The following ABTB3 variants were observed in gnomAD, a reference collection of about 807,000 sequenced individuals.
ABTB3 encodes the protein ankyrin repeat and BTB domain containing 3, also known as ankyrin repeat- and BTB/POZ domain-containing protein 3.
At chr12:107,651,871 CAG>C in the ABTB3 span, 1 of 1,154,330 alleles carries the variant, frequency 8.7e-7, no homozygotes, top group Non-Finnish European at 1.3e-6. Context: ...AGAGGCAGGG[CAG>C]AGAGTGGGTG....
the ABTB3 span, among the ~76,000 whole-genome samples, chr12:107,545,341 A>C: frequency 2.7e-3 from 409 of 152,048 alleles, 8 homozygotes; most frequent in East Asian, 0.042. Context: ...CTCCCGGCTC[A>C]AGCGATTCTC....
the ABTB3 span, among the ~76,000 whole-genome samples, chr12:107,363,156 A>T: frequency 6.6e-6 from 1 of 152,226 alleles, no homozygotes; most frequent in African/African-American, 2.4e-5. Context: ...CATGCCCCTC[A>T]CTGCGTTGGG....
the ABTB3 span, among the ~76,000 whole-genome samples, chr12:107,558,482 G>A: frequency 6.6e-6 from 1 of 152,172 alleles, no homozygotes; most frequent in African/African-American, 2.4e-5. Flanking sequence ...AGAGTGTCGG[G>A]GAGAAGATTT....
chr12:107,552,244 TA>T, the ABTB3 span, among the ~76,000 whole-genome samples: 2 of 152,330 alleles, frequency 1.3e-5, no homozygotes, highest in East Asian at 3.8e-4. Flanking sequence ...TTTGCTTCCA[TA>T]GGCAGTGGTT....
chr12:107,366,087 T>G, the ABTB3 span, among the ~76,000 whole-genome samples: 1 of 152,106 alleles, frequency 6.6e-6, no homozygotes, highest in East Asian at 1.9e-4. Context: ...CTGCTGAGAG[T>G]GTGCCACCTT....
chr12:107,477,703 T>C, the ABTB3 span, among the ~76,000 whole-genome samples: 4 of 152,188 alleles, frequency 2.6e-5, no homozygotes, highest in African/African-American at 7.2e-5. Flanking sequence ...GATTAAAGTT[T>C]GCTATGGCAA....
the ABTB3 span, among the ~76,000 whole-genome samples, chr12:107,362,866 T>C: frequency 6.6e-6 from 1 of 152,186 alleles, no homozygotes; most frequent in Non-Finnish European, 1.5e-5. Flanking sequence ...TTTTGATTCT[T>C]CTAACAATGA....
At chr12:107,399,844 G>A in the ABTB3 span, among the ~76,000 whole-genome samples, 126 of 151,970 alleles carry the variant, frequency 8.3e-4, no homozygotes, top group African/African-American at 2.8e-3. Flanking sequence ...CCTTGCCCCC[G>A]ACAGCCCGAC....
chr12:107,544,211 G>A, the ABTB3 span: 4 of 1,476,358 alleles, frequency 2.7e-6, no homozygotes, highest in African/African-American at 1.4e-5. Flanking sequence ...TCCAGGATGG[G>A]GAGGATGATG....
chr12:107,318,649 T>G, the ABTB3 span: 1 of 385,404 alleles, frequency 2.6e-6, no homozygotes, highest in African/African-American at 2.1e-5. Flanking sequence ...CTTTTTATTT[T>G]GGAAGAAAGG....
At chr12:107,589,582 G>A in the ABTB3 span, among the ~76,000 whole-genome samples, 1 of 152,252 alleles carries the variant, frequency 6.6e-6, no homozygotes, top group African/African-American at 2.4e-5. Context: ...TCACTAATGG[G>A]AAAAGATAGC....
chr12:107,405,295 A>C, the ABTB3 span, among the ~76,000 whole-genome samples: 1 of 152,208 alleles, frequency 6.6e-6, no homozygotes, highest in South Asian at 2.1e-4. Flanking sequence ...GAGTGCTGTT[A>C]ATGGTTATGT....
At chr12:107,512,514 T>C in the ABTB3 span, among the ~76,000 whole-genome samples, 2 of 152,196 alleles carry the variant, frequency 1.3e-5, no homozygotes, top group African/African-American at 4.8e-5. Context: ...TGGGTAATAA[T>C]GCCAGGGAAA....
the ABTB3 span, chr12:107,618,514 G>A: frequency 1.3e-6 from 1 of 749,220 alleles, no homozygotes; most frequent in Non-Finnish European, 2.1e-6. Flanking sequence ...ACACACACAA[G>A]GGGACCCAGG....
the ABTB3 span, among the ~76,000 whole-genome samples, chr12:107,407,134 C>G: frequency 6.6e-6 from 1 of 152,130 alleles, no homozygotes; most frequent in African/African-American, 2.4e-5. Context: ...TGTATGACCT[C>G]GGGCAAGTCA....
the ABTB3 span, among the ~76,000 whole-genome samples, chr12:107,471,846 C>T: frequency 6.6e-6 from 1 of 152,182 alleles, no homozygotes; most frequent in Admixed American, 6.5e-5. Context: ...CTGAAGCTTT[C>T]TACATGACTG....
At chr12:107,531,604 C>A in the ABTB3 span, among the ~76,000 whole-genome samples, 1 of 152,076 alleles carries the variant, frequency 6.6e-6, no homozygotes, top group Non-Finnish European at 1.5e-5. Flanking sequence ...AGAAATGGAA[C>A]ACCTGCAATG....
chr12:107,520,217 T>C, the ABTB3 span: 2 of 985,260 alleles, frequency 2.0e-6, no homozygotes, highest in Middle Eastern at 5.2e-4. Flanking sequence ...GAGGAGAGGA[T>C]TCTGTTTTGT....
chr12:107,370,736 T>G, the ABTB3 span, among the ~76,000 whole-genome samples: 2 of 151,354 alleles, frequency 1.3e-5, no homozygotes, highest in African/African-American at 4.9e-5. Context: ...GGTGCTTCTT[T>G]GGCTGCCTAT....
Sources: allele counts gnomAD v4.1 joint callset (sites outside exome capture counted in the v4.1 genomes callset), GRCh38; gene constraint gnomAD v4.1.1; transcripts MANE v1.5; gene names NCBI Gene and HGNC (gene_info 2026-07-23, HGNC 2026-07-21).